Variants in NADK observed in about 807,000 individuals in gnomAD.
NADK encodes poly(P)/ATP NAD kinase.
In NADK, 22 loss-of-function variants were observed where a neutral mutation model predicts 49.8. The ratio of observed to expected loss-of-function variants is 0.44; its 90% CI spans 0.32 to 0.63. NADK has a LOEUF of 0.63. Ranked by LOEUF, NADK falls within the 30% of genes least tolerant of loss-of-function variation. The pLI is 0.06. For missense variants in NADK, 438 were observed against 609.4 expected (o/e 0.72, Z 2.96); for synonymous variants, 268 against 253.7 (o/e 1.06, Z -0.54).
chr1:1,760,753 C>T (rs1645695975), intron 3 of NADK, among the ~76,000 whole-genome samples: 1 of 150,774 alleles, frequency 6.6e-6, no homozygotes, highest in South Asian at 2.1e-4. Flanking sequence ...GGCACCAGTC[C>T]CAGAAGCAAA....
At chr1:1,756,752 C>T (rs926523310) in intron 4 of NADK, 144 bp from the exon 5 acceptor site, 25 of 1,436,270 alleles carry the variant, frequency 1.7e-5, no homozygotes, top group Non-Finnish European at 2.3e-5. Context: ...GAAACTTCAT[C>T]ACCAACGCGC....
intron 1 of NADK, among the ~76,000 whole-genome samples, chr1:1,777,406 A>T (rs1249129054): frequency 1.3e-5 from 2 of 152,352 alleles, no homozygotes; most frequent in East Asian, 3.9e-4. Flanking sequence ...AAAAAAACTT[A>T]TTAAGGCAAA....
intron 1 of NADK, among the ~76,000 whole-genome samples, chr1:1,769,652 T>C (rs1570570571): frequency 6.6e-6 from 1 of 150,988 alleles, no homozygotes; most frequent in Admixed American, 6.6e-5. Context: ...TCCTTGAACC[T>C]GGGAGGCAGA....
At chr1:1,764,275 A>G (rs188813247) in intron 2 of NADK, among the ~76,000 whole-genome samples, 75 of 152,296 alleles carry the variant, frequency 4.9e-4, no homozygotes, top group Non-Finnish European at 9.7e-4. Flanking sequence ...GGCTCTGGCA[A>G]GCTTCCACCT....
At chr1:1,770,733 A>AAAT (rs886648886) in intron 1 of NADK, among the ~76,000 whole-genome samples, 3 of 151,948 alleles carry the variant, frequency 2.0e-5, no homozygotes, top group African/African-American at 4.8e-5. Context: ...CTCTGTCTCA[A>AAAT]AATAATAATA....
At chr1:1,764,106 G>C (rs1645812428) in intron 2 of NADK, among the ~76,000 whole-genome samples, 1 of 152,192 alleles carries the variant, frequency 6.6e-6, no homozygotes, top group South Asian at 2.1e-4. Flanking sequence ...TCTGTAGACA[G>C]AAAACGTGGG....
chr1:1,760,008 G>A lies in NADK; in HGVS notation c.263+1944C>T, dbSNP rs1645667222. 9 of 1,237,430 alleles carry A rather than the reference G, an allele frequency of 7.3e-6. No individual in the cohort carries two copies. The South Asian group carries it at 1.3e-4, about 18-fold the overall frequency. The allele number at this position is 1,237,430 out of a possible 1,614,324, so 76.7% of individuals were successfully genotyped here. On this transcript the variant is annotated intron_variant, in intron 3 of 11. Transcript: ENST00000341426. ...AGGATGGCGGGACAGAGCCACGGCG[G>A]GGCCGGGAGGGCAGTGGAGCACTCT... is the stretch of plus-strand genomic sequence containing the variant.
intron 1 of NADK, among the ~76,000 whole-genome samples, chr1:1,773,220 A>G (rs1646103618): frequency 6.6e-6 from 1 of 150,810 alleles, no homozygotes; most frequent in Admixed American, 6.6e-5. Flanking sequence ...GCTCACTGCA[A>G]CATCTGCCTC....
intron 3 of NADK, chr1:1,759,938 C>CA (rs1291114739): frequency 3.2e-6 from 5 of 1,548,414 alleles, no homozygotes; most frequent in African/African-American, 2.7e-5. Flanking sequence ...GGGCACCAGG[C>CA]AGCGGGGGAG....
chr1:1,757,964 C>T (rs1237696048), intron 3 of NADK, among the ~76,000 whole-genome samples: 3 of 152,196 alleles, frequency 2.0e-5, no homozygotes, highest in African/African-American at 7.2e-5. Context: ...CCACTGTGCC[C>T]GGTGTTTCTC....
chr1:1,753,293 G>T (rs1645388278), intron 11 of NADK, among the ~76,000 whole-genome samples: 1 of 152,028 alleles, frequency 6.6e-6, no homozygotes, highest in African/African-American at 2.4e-5. Flanking sequence ...GGGCCCTCAG[G>T]GGTGAGGTCC....
At chr1:1,756,762 C>A in intron 4 of NADK, 154 bp from the exon 5 acceptor site, 1 of 1,313,324 alleles carries the variant, frequency 7.6e-7, no homozygotes, top group Non-Finnish European at 1.1e-6. Flanking sequence ...CACCAACGCG[C>A]CAGGAGGAAG....
Position 1,754,714 on chromosome 1 carries a change from A to G in NADK, c.689-16T>C, listed in dbSNP as rs766613956. ...GCTGCGTTCCCTGAGGTCCAGCAGG[A>G]GTCAGAGGGCATGCATCAGGGAAGT... On this transcript the variant is annotated splice_polypyrimidine_tract_variant and intron_variant, in intron 7 of 11. Transcript: ENST00000341426. This position sits in a 1 kb window ranked among gnomAD's most constrained non-coding sequence, Gnocchi z 4.3. 10 of 1,600,874 alleles carry G rather than the reference A, an allele frequency of 6.2e-6. No homozygotes were observed. Among genetic ancestry groups the G allele is most frequent in the Non-Finnish European group, 8.5e-6 (10 of 1,173,426 alleles).
chr1:1,759,834 C>A (rs959799717), intron 3 of NADK: 2 of 1,551,316 alleles, frequency 1.3e-6, no homozygotes, highest in Admixed American at 2.0e-5. Context: ...TCCGGTGACC[C>A]CGCCCTGGCC....
chr1:1,765,235 C>T lies in NADK; in HGVS notation c.172G>A (p.Glu58Lys). The stretch of plus-strand genomic sequence containing the variant: ...CATCCCTCCCAGTTGTACCTGAACT[C>T]CTTGGTGCTCCCCAGGGCGGGCGAG... Reference protein sequence around the residue: ...SASPALGSTKEFRRTRSLHGP... With the variant: ...SASPALGSTKKFRRTRSLHGP... Residue 58 changes from glutamate (E) to lysine (K), a missense_variant, in exon 2 of 12, where the codon GAG becomes AAG. Physicochemically the swap from Glu to Lys is moderately conservative, Grantham distance 56. Coordinates refer to ENST00000341426, the MANE Select transcript of NADK (RefSeq NM_023018.5). 6.2e-7 allele frequency: 1 copy of T among 1,600,238 alleles called. No homozygotes were observed. The highest frequency in any genetic ancestry group is 8.5e-7 in the Non-Finnish European group (1 of 1,174,630).
At chr1:1,766,410 C>CAA (rs70937193) in intron 1 of NADK, among the ~76,000 whole-genome samples, 3 of 27,004 alleles carry the variant, frequency 1.1e-4, no homozygotes, top group Admixed American at 6.6e-4. Flanking sequence ...AACTCCGTCT[C>CAA]AAAAAAAAAA....
rs1368113786 is a variant in NADK at position 1,752,032 on chromosome 1, C to T, written c.*872G>A. On this transcript the variant is annotated 3_prime_UTR_variant, in exon 12 of 12. Transcript: ENST00000341426. ...ACTAGCCCCGGAAACCCTCATCTCC[C>T]GGACCATCAGGATCGCACTGAACAG... 4.0e-5 allele frequency: 6 copies of T among 150,990 alleles called. No individual in the cohort carries two copies. The highest frequency in any genetic ancestry group is 7.3e-5 in the African/African-American group (3 of 41,060). The allele number at this position is 150,990 out of a possible 1,614,324, so 9.4% of individuals were successfully genotyped here.
At chr1:1,775,761 T>C (rs1646192844) in intron 1 of NADK, among the ~76,000 whole-genome samples, 2 of 152,210 alleles carry the variant, frequency 1.3e-5, no homozygotes, top group African/African-American at 4.8e-5. Context: ...CTTTTCACCA[T>C]CTGTCTGAAG....
chr1:1,778,872 C>A (rs2100406286), upstream of NADK: 2 of 152,356 alleles, frequency 1.3e-5, no homozygotes, highest in Middle Eastern at 3.4e-3. This position sits in a 1 kb window ranked among gnomAD's most constrained non-coding sequence, Gnocchi z 4.9. Context: ...CCTCCCGGAC[C>A]ACGTGGGCCG....
Sources: gnomAD v4.1 joint callset for allele counts (sites outside exome capture counted in the v4.1 genomes callset) on GRCh38, gnomAD v4.1.1 for gene constraint, Gnocchi (gnomAD v3.1) non-coding constraint, MANE v1.5 for transcripts, NCBI Gene and HGNC (gene_info 2026-07-23, HGNC 2026-07-21) for gene names.